TTC17: variants seen among roughly 807,000 people sequenced by gnomAD.
The protein encoded by TTC17 is tetratricopeptide repeat protein 17.
TTC17 carries 58 observed loss-of-function variants against 143.8 expected under a neutral mutation model. That is an observed-to-expected ratio of 0.40 (90% CI 0.33 to 0.50). The LOEUF is 0.50. TTC17 is among the 20% of genes least tolerant of loss of function. The pLI, the probability that TTC17 is intolerant of heterozygous loss-of-function variation, is 0.49. For missense variants in TTC17, 1,273 were observed against 1,392.5 expected (o/e 0.91, Z 1.37); for synonymous variants, 501 against 497.8 (o/e 1.01, Z -0.09).
chr11:43,375,666 T>C (rs1288212726), intron 1 of TTC17, among the ~76,000 whole-genome samples: 1 of 150,190 alleles, frequency 6.7e-6, no homozygotes, highest in Non-Finnish European at 1.5e-5. Context: ...ACAGTGAAAG[T>C]GTTCAGTATA....
chr11:43,363,100 A>C (rs932301728), intron 1 of TTC17, among the ~76,000 whole-genome samples: 1 of 152,204 alleles, frequency 6.6e-6, no homozygotes, highest in South Asian at 2.1e-4. Flanking sequence ...CCATGGACTT[A>C]AGAAGTGAGC....
intron 5 of TTC17, 34 bp downstream of exon 5, chr11:43,391,986 T>C: frequency 6.4e-7 from 1 of 1,573,848 alleles, no homozygotes; most frequent in East Asian, 2.3e-5. Flanking sequence ...GCCAGCGGGC[T>C]GAGCCAGCGG....
At chr11:43,490,176 ATCTT>A in intron 21 of TTC17, 59 bp from the exon 22 acceptor site, 2 of 1,553,760 alleles carry the variant, frequency 1.3e-6, no homozygotes, top group Non-Finnish European at 1.7e-6. Context: ...ACTGAACTTA[ATCTT>A]GGTAATAAAT....
intron 16 of TTC17, chr11:43,436,477 G>T (rs1024200607): frequency 2.3e-5 from 16 of 690,948 alleles, no homozygotes; most frequent in Non-Finnish European, 3.2e-5. Context: ...CCCCTAGGTG[G>T]TGAGGCAGAA....
chr11:43,420,078 G>A (rs1315709083), intron 16 of TTC17, among the ~76,000 whole-genome samples: 1 of 152,140 alleles, frequency 6.6e-6, no homozygotes, highest in African/African-American at 2.4e-5. Flanking sequence ...TTTTTAACAT[G>A]TATCTTTAAC....
chr11:43,362,458 G>A (rs1408428125), intron 1 of TTC17, among the ~76,000 whole-genome samples: 1 of 152,132 alleles, frequency 6.6e-6, no homozygotes, highest in Non-Finnish European at 1.5e-5. Flanking sequence ...ACATGCGTAT[G>A]TATTGGAAAT....
At chr11:43,421,224 G>A (rs1340865247) in intron 16 of TTC17, among the ~76,000 whole-genome samples, 2 of 152,152 alleles carry the variant, frequency 1.3e-5, no homozygotes, top group East Asian at 1.9e-4. Flanking sequence ...GAAGGATAGA[G>A]GTTCTAAGCC....
intron 21 of TTC17, among the ~76,000 whole-genome samples, chr11:43,461,269 G>A (rs944192290): frequency 4.0e-5 from 6 of 151,502 alleles, no homozygotes; most frequent in South Asian, 4.2e-4. Flanking sequence ...CTGTAGTCCC[G>A]GCTACTCGGG....
chr11:43,380,728 A>G (rs888607766), intron 2 of TTC17, among the ~76,000 whole-genome samples: 1 of 152,218 alleles, frequency 6.6e-6, no homozygotes, highest in Non-Finnish European at 1.5e-5. Flanking sequence ...ACTTTAGCAC[A>G]TGGTAACCAG....
intron 21 of TTC17, among the ~76,000 whole-genome samples, chr11:43,475,643 G>A (rs569512613): frequency 6.6e-6 from 1 of 152,234 alleles, no homozygotes; most frequent in South Asian, 2.1e-4. Flanking sequence ...AGATATTTCT[G>A]GATTTTTGAA....
At chr11:43,402,409 A>G (rs1480884602) in intron 10 of TTC17, among the ~76,000 whole-genome samples, 1 of 152,066 alleles carries the variant, frequency 6.6e-6, no homozygotes, top group Non-Finnish European at 1.5e-5. Context: ...ACTTTCTCTC[A>G]CTTTCTGTCG....
chr11:43,402,734 T>C (rs1228259942), intron 10 of TTC17, among the ~76,000 whole-genome samples: 2 of 152,174 alleles, frequency 1.3e-5, no homozygotes, highest in Non-Finnish European at 2.9e-5. Context: ...AAATCTGAAA[T>C]ACTCCTGATT....
chr11:43,439,470 G>GTTTTTTT (rs370245266), intron 16 of TTC17, among the ~76,000 whole-genome samples: 1 of 137,934 alleles, frequency 7.2e-6, no homozygotes, highest in African/African-American at 2.6e-5. Flanking sequence ...TTTTTTTTTG[G>GTTTTTTT]TTTTTTTTTT....
At chr11:43,395,151 A>C (rs1481747198) in intron 5 of TTC17, among the ~76,000 whole-genome samples, 1 of 135,704 alleles carries the variant, frequency 7.4e-6, no homozygotes, top group Non-Finnish European at 1.5e-5. Flanking sequence ...CCCAGGCTGG[A>C]GTGCAGTGGC....
intron 21 of TTC17, among the ~76,000 whole-genome samples, chr11:43,453,636 G>A (rs530480030): frequency 1.3e-5 from 2 of 152,268 alleles, no homozygotes; most frequent in South Asian, 2.1e-4. Flanking sequence ...AATGACCAGA[G>A]CAGCATTGGT....
At chr11:43,378,397 A>C (rs1379360061) in intron 1 of TTC17, among the ~76,000 whole-genome samples, 1 of 152,200 alleles carries the variant, frequency 6.6e-6, no homozygotes, top group African/African-American at 2.4e-5. Context: ...TACTCTGGTC[A>C]CTGGCAGTAG....
intron 16 of TTC17, among the ~76,000 whole-genome samples, chr11:43,433,036 C>G (rs183568672): frequency 2.7e-5 from 4 of 149,060 alleles, no homozygotes; most frequent in African/African-American, 1.0e-4. Context: ...GAATCTCGCT[C>G]TGTCACCAGG....
chr11:43,390,046 C>T (rs189404655), intron 3 of TTC17, among the ~76,000 whole-genome samples: 1 of 152,262 alleles, frequency 6.6e-6, no homozygotes, highest in African/African-American at 2.4e-5. Context: ...GTGCCTCACA[C>T]CTATAATCCC....
intron 2 of TTC17, among the ~76,000 whole-genome samples, chr11:43,382,628 T>C (rs1210303981): frequency 6.6e-6 from 1 of 152,238 alleles, no homozygotes; most frequent in East Asian, 1.9e-4. Flanking sequence ...TTATTCAATG[T>C]AATTTGTTTC....
Sources: allele counts gnomAD v4.1 joint callset (sites outside exome capture counted in the v4.1 genomes callset), GRCh38; gene constraint gnomAD v4.1.1; transcripts MANE v1.5; gene names NCBI Gene and HGNC (gene_info 2026-07-23, HGNC 2026-07-21).